SPTBN5: variants seen among roughly 807,000 people sequenced by gnomAD.
The protein encoded by SPTBN5 is spectrin beta, non-erythrocytic 5, also known as spectrin beta chain, non-erythrocytic 5.
A neutral mutation model predicts 477.6 loss-of-function variants in SPTBN5; 513 were observed. That is an observed-to-expected ratio of 1.07 (90% CI 1.00 to 1.16). The LOEUF (loss-of-function observed/expected upper bound fraction) is 1.16, where lower values mean the gene tolerates loss of function less well. Ranked by LOEUF, SPTBN5 falls within the 50% of genes most tolerant of loss-of-function variation. The probability of loss-of-function intolerance (pLI) is 0.00; values close to 1 mark genes in which losing one functional copy is unlikely to be tolerated. For missense variants in SPTBN5, 5,062 were observed against 4,731.8 expected, an observed-to-expected ratio of 1.07 and a Z score of -2.05; for synonymous variants, 2,169 against 2,011.7, an observed-to-expected ratio of 1.08 and a Z score of -2.09.
Position 41,851,047 on chromosome 15 carries a change from C to T in SPTBN5, c.10835+12G>A, listed in dbSNP as rs1253630046. On this transcript the variant is annotated intron_variant, in intron 65 of 67. Transcript: ENST00000320955. ...CTGGGGGTGATGCCGGAGTCCATGT[C>T]TCTCCGCTCACCTTAAGGAGAATGT... 6.2e-7 allele frequency: 1 copy of T among 1,609,142 alleles called. No individual in the cohort carries two copies. Among genetic ancestry groups the T allele is most frequent in the African/African-American group, 1.3e-5 (1 of 74,908 alleles).
rs1469535242 is a variant in SPTBN5, at chr15:41,886,211, G to C, written c.1044C>G (p.Phe348Leu). 6.2e-7 allele frequency: 1 copy of C among 1,612,972 alleles called. No homozygotes were observed. The highest frequency in any genetic ancestry group is 1.3e-5 in the African/African-American group (1 of 74,956). The change falls in exon 7 of 68, where the codon TTC becomes TTG. Residue 348 changes from phenylalanine to leucine, a missense_variant. Physicochemically the swap from Phe to Leu is conservative, Grantham distance 22. Coordinates refer to ENST00000320955, the MANE Select transcript of SPTBN5 (RefSeq NM_016642.4). ...GCTTCTCCTGGGTGCGGAAGATGGT[G>C]AATGCTGCCAGTAGCTGCCGCATGG... ...LPAMRQLLAAFTIFRTQEKPP... is the reference protein window; with the variant it reads ...LPAMRQLLAALTIFRTQEKPP...
In SPTBN5 at chr15:41,848,451, C is replaced by A. The variant is rs1384240809; in HGVS notation, c.*165G>T. On this transcript the variant is annotated 3_prime_UTR_variant, in exon 68 of 68. Coordinates refer to ENST00000320955, the MANE Select transcript of SPTBN5 (RefSeq NM_016642.4). ...GGCTGTTTCCTGCCACATGGTAGGA[C>A]CCATCTAACCAGAAGGAACTGTCTA... The A allele has an allele frequency of 3.9e-6, 3 of 773,602 alleles. No individual in the cohort carries two copies. The highest frequency in any genetic ancestry group is 6.8e-6 in the Non-Finnish European group (3 of 441,838). The allele number at this position is 773,602 out of a possible 1,614,324, so 47.9% of individuals were successfully genotyped here.
chr15:41,870,131 A>C, intron 31 of SPTBN5, 111 bp from the exon 32 acceptor site: 1 of 1,451,982 alleles, frequency 6.9e-7, no homozygotes, highest in Non-Finnish European at 9.1e-7. Flanking sequence ...CCTGCCATGC[A>C]CAGGAGGCCC....
Position 41,856,986 on chromosome 15 carries a change from C to G in SPTBN5, c.8675G>C (p.Arg2892Pro). ...CCTGAAGAACTTCAAGAGGAGGCTC[C>G]GGGCCTCCAGGGCCGTCCTGCGCTC... ...LQERRTALEA[R>P]SLLLKFFRDA... The change falls in exon 52 of 68, where the codon CGG becomes CCG. Residue 2892 changes from arginine to proline, a missense_variant. Coordinates refer to ENST00000320955, the MANE Select transcript of SPTBN5 (RefSeq NM_016642.4). 6 of 1,602,926 alleles carry G rather than the reference C, an allele frequency of 3.7e-6. No individual in the cohort carries two copies. Among genetic ancestry groups the G allele is most frequent in the Non-Finnish European group, 5.1e-6 (6 of 1,175,584 alleles).
rs559034930 is a variant in SPTBN5, at chr15:41,852,826, C to T, written c.10345G>A (p.Gly3449Arg). ...TAAGGGGCAGGACCCCCACTCACCCCATAGTCGGGCTTCAGCAGGAGTCCC... is the reference window on the plus strand; with the variant it reads ...TAAGGGGCAGGACCCCCACTCACCCTATAGTCGGGCTTCAGCAGGAGTCCC... Reference protein sequence around the residue: ...WEGLLLKPDYGHSVSDVELLL... With the variant: ...WEGLLLKPDYRHSVSDVELLL... The change falls in exon 60 of 68, where the codon GGG becomes AGG. Residue 3449 changes from glycine to arginine, a missense_variant and splice_region_variant. Transcript: ENST00000320955. 7 of 1,608,160 alleles carry T rather than the reference C, an allele frequency of 4.4e-6. No individual in the cohort carries two copies. Among genetic ancestry groups the T allele is most frequent in the South Asian group, 2.2e-5 (2 of 90,846 alleles).
Position 41,858,582 on chromosome 15 carries a change from T to C in SPTBN5, c.8226+20A>G. The C allele has an allele frequency of 1.2e-6, 2 of 1,605,558 alleles. No individual in the cohort carries two copies. Among genetic ancestry groups the C allele is most frequent in the Non-Finnish European group, 1.7e-6 (2 of 1,177,888 alleles). ...TGCCTGGAGAGCTGTCCCACCACCC[T>C]CCTGCCTGCAGGGCCTCACCCGCTG... On this transcript the variant is annotated intron_variant, in intron 49 of 67. Coordinates refer to ENST00000320955, the MANE Select transcript of SPTBN5 (RefSeq NM_016642.4).
At chr15:41,877,004 C>T in intron 18 of SPTBN5, 56 bp from the exon 19 acceptor site, 1 of 1,569,788 alleles carries the variant, frequency 6.4e-7, no homozygotes, top group Non-Finnish European at 8.6e-7. Context: ...AGGACCATCT[C>T]ACCCGCCACT....
In SPTBN5 at chr15:41,869,942, G is replaced by A. The variant is rs773651951; in HGVS notation, c.5752C>T (p.Gln1918Ter). ...GCCCACGCCTGCGTCACAGCTTGCT[G>A]CCTCTGCTGCACCGCATGGGCCTGA... ...GPQAHAVQQR[Q>*]QAVTQAWAVL... The change falls in exon 32 of 68, where the codon CAG (glutamine) becomes TAG (stop). Residue 1918 changes from glutamine (Q) to a stop codon, truncating the protein, a stop_gained. Coordinates refer to ENST00000320955, the MANE Select transcript of SPTBN5 (RefSeq NM_016642.4). LOFTEE classifies it high-confidence loss of function. 5 of 1,555,470 alleles carry A rather than the reference G, an allele frequency of 3.2e-6. No homozygotes were observed. In the South Asian group the frequency reaches 3.5e-5, roughly 11 times the overall value.
At position 41,874,370 on chromosome 15, in the gene SPTBN5, G is replaced by T. The variant is rs370544207; in HGVS notation, c.4611C>A (p.Ala1537=). The change falls in exon 24 of 68, where the codon GCC becomes GCA. Residue 1537 remains alanine, a synonymous_variant. Coordinates refer to ENST00000320955, the MANE Select transcript of SPTBN5 (RefSeq NM_016642.4). ...TGGGGCTGCCATGGGGCATGTGCTC[G>T]GCTACCCAAGAGAGCTCCATGTTGC... The part of the protein sequence containing the change: ...HLSNMELSWV[A]EHMPHGSPTS... 9 of 1,613,854 alleles carry T rather than the reference G, an allele frequency of 5.6e-6. No homozygotes were observed. Among genetic ancestry groups the T allele is most frequent in the Middle Eastern group, 1.7e-4 (1 of 6,050 alleles).
intron 26 of SPTBN5, among the ~76,000 whole-genome samples, 197 bp downstream of exon 26, chr15:41,873,295 G>A (rs766244732): frequency 6.6e-6 from 1 of 152,150 alleles, no homozygotes; most frequent in Non-Finnish European, 1.5e-5. Flanking sequence ...GGGAGAAAGC[G>A]TGTACATCAC....
intron 67 of SPTBN5, among the ~76,000 whole-genome samples, 156 bp from the exon 68 acceptor site, chr15:41,848,784 A>G (rs1374390469): frequency 6.6e-6 from 1 of 152,172 alleles, no homozygotes; most frequent in African/African-American, 2.4e-5. Flanking sequence ...GCGCTGCAGC[A>G]GCGACCACAG....
intron 7 of SPTBN5, among the ~76,000 whole-genome samples, chr15:41,884,982 CCACT>C (rs2067100209): frequency 6.6e-6 from 1 of 152,204 alleles, no homozygotes; most frequent in Non-Finnish European, 1.5e-5. Context: ...TCCCCTCTAG[CCACT>C]CAAACTTAGC....
rs868062274 is a variant in SPTBN5, at chr15:41,879,632, G to A, written c.2942+102C>T. On this transcript the variant is annotated intron_variant, in intron 15 of 67. Coordinates refer to ENST00000320955, the MANE Select transcript of SPTBN5 (RefSeq NM_016642.4). ...TGCCCCTTCCCTGTGCCTCGGACAC[G>A]TCCAGCCTCTCCATCTGGCATGGCG... 62 of 1,586,222 alleles carry A rather than the reference G, an allele frequency of 3.9e-5. No homozygotes were observed. The Admixed American group carries it at 4.2e-4, about 11-fold the overall frequency.
intron 11 of SPTBN5, 37 bp downstream of exon 11, chr15:41,882,232 G>GGCCCCCCCCCCCCCC: frequency 1.6e-6 from 2 of 1,254,124 alleles, no homozygotes; most frequent in Non-Finnish European, 2.1e-6. Context: ...GCCTCGCCGG[G>GGCCCCCCCCCCCCCC]CCCCGCCCCC....
intron 36 of SPTBN5, 71 bp downstream of exon 36, chr15:41,866,888 G>C (rs1036418474): frequency 4.1e-6 from 6 of 1,470,784 alleles, no homozygotes; most frequent in Non-Finnish European, 5.4e-6. Flanking sequence ...ACAGTGTTGC[G>C]GTGTGAAGGC....
intron 39 of SPTBN5, 142 bp downstream of exon 39, chr15:41,865,666 G>A (rs919397435): frequency 1.4e-6 from 1 of 711,244 alleles, no homozygotes; most frequent in East Asian, 2.8e-5. Context: ...AGGCGGGTGA[G>A]AGGAGGGAGC....
chr15:41,879,531 C>T, intron 15 of SPTBN5, 32 bp from the exon 16 acceptor site: 1 of 1,529,400 alleles, frequency 6.5e-7, no homozygotes, highest in South Asian at 1.2e-5. Flanking sequence ...GTCTCCACAA[C>T]AGGGACACCT....
intron 16 of SPTBN5, 133 bp downstream of exon 16, chr15:41,879,127 C>G (rs2066854156): frequency 9.4e-7 from 1 of 1,065,436 alleles, no homozygotes; most frequent in Non-Finnish European, 1.3e-6. Flanking sequence ...CTGATCATCC[C>G]CCCATCTTTG....
In SPTBN5 at chr15:41,857,395, C is replaced by A. The variant is rs148092303; in HGVS notation, c.8464G>T (p.Val2822Leu). 3 of 1,588,136 alleles carry A rather than the reference C, an allele frequency of 1.9e-6. No homozygotes were observed. The African/African-American group carries it at 4.0e-5, about 21-fold the overall frequency. The change falls in exon 51 of 68, where the codon GTG (valine) becomes TTG (leucine). Residue 2822 changes from valine to leucine, a missense_variant. Val to Leu is a conservative substitution (Grantham distance 32, BLOSUM62 1). Transcript: ENST00000320955. ...CTCTGTGTGCCCAGGAGCTCGCCCACCCCAGGCAGGGCCTGGCCCACAGTG... is the reference window on the plus strand; with the variant it reads ...CTCTGTGTGCCCAGGAGCTCGCCCAACCCAGGCAGGGCCTGGCCCACAGTG... Reference protein sequence around the residue: ...APTVGQALPGVGELLGTQREL... With the variant: ...APTVGQALPGLGELLGTQREL...
Sources: gnomAD v4.1 joint callset for allele counts (sites outside exome capture counted in the v4.1 genomes callset) on GRCh38, gnomAD v4.1.1 for gene constraint, MANE v1.5 for transcripts, NCBI Gene and HGNC (gene_info 2026-07-23, HGNC 2026-07-21) for gene names.